The following ACTR3 variants were observed in gnomAD, a reference collection of about 807,000 sequenced individuals.
ACTR3 encodes the protein actin related protein 3, also known as actin-related protein 3.
In ACTR3, 12 loss-of-function variants were observed where a neutral mutation model predicts 56.8. That is an observed-to-expected ratio of 0.21 (90% CI 0.14 to 0.34). ACTR3 has a LOEUF of 0.34. ACTR3 is among the 10% of genes least tolerant of loss of function. The probability of loss-of-function intolerance (pLI) is 1.00; values close to 1 mark genes in which losing one functional copy is unlikely to be tolerated. For synonymous variants in ACTR3, 162 were observed against 167.4 expected (o/e 0.97, Z 0.25); for missense variants, 282 against 512.5 (o/e 0.55, Z 4.34).
intron 1 of ACTR3, among the ~76,000 whole-genome samples, chr2:113,892,178 G>A (rs1678916742): frequency 1.3e-5 from 2 of 152,172 alleles, no homozygotes; most frequent in Admixed American, 6.5e-5. Context: ...TATACAAGAT[G>A]TTTCATTGAG....
chr2:113,946,304 T>G (rs937774548), intron 8 of ACTR3, among the ~76,000 whole-genome samples: 1 of 151,994 alleles, frequency 6.6e-6, no homozygotes, highest in Non-Finnish European at 1.5e-5. Context: ...TTTTTTTTTC[T>G]TTTTAAATTG....
At chr2:113,949,650 T>A (rs1345166101) in intron 8 of ACTR3, among the ~76,000 whole-genome samples, 1 of 152,000 alleles carries the variant, frequency 6.6e-6, no homozygotes, top group African/African-American at 2.4e-5. Flanking sequence ...TAACCTCGAA[T>A]TCCTAGGGTC....
chr2:113,900,370 T>C (rs1043936764), intron 1 of ACTR3, among the ~76,000 whole-genome samples: 1 of 152,218 alleles, frequency 6.6e-6, no homozygotes, highest in Non-Finnish European at 1.5e-5. Flanking sequence ...TTCATGTAAA[T>C]GGAATCATAC....
chr2:113,931,191 T>A lies in ACTR3; in HGVS notation c.337-110T>A, dbSNP rs1679717748. ...TCTGTCTTTCTACTTGTAAATTTAATGCATTTTAAATAAAATGTTTGAAAT... is the reference window on the plus strand; with the variant it reads ...TCTGTCTTTCTACTTGTAAATTTAAAGCATTTTAAATAAAATGTTTGAAAT... On this transcript the variant is annotated intron_variant, in intron 4 of 11. Coordinates refer to ENST00000263238, the MANE Select transcript of ACTR3 (RefSeq NM_005721.5). The A allele has an allele frequency of 8.2e-6, 5 of 607,284 alleles. No homozygotes were observed. The Admixed American group carries it at 1.5e-4, about 18-fold the overall frequency. The allele number at this position is 607,284 out of a possible 1,614,324, so 37.6% of individuals were successfully genotyped here.
intron 3 of ACTR3, among the ~76,000 whole-genome samples, chr2:113,919,703 T>G (rs1679472310): frequency 6.6e-6 from 1 of 152,168 alleles, no homozygotes; most frequent in Admixed American, 6.5e-5. Flanking sequence ...TTATCCCTTA[T>G]CTGCTGAAAT....
At chr2:113,895,167 G>A (rs2104578490) in intron 1 of ACTR3, among the ~76,000 whole-genome samples, 1 of 146,400 alleles carries the variant, frequency 6.8e-6, no homozygotes, top group African/African-American at 2.5e-5. Context: ...GTGTTTCTCA[G>A]GAAATAATAA....
In ACTR3 at chr2:113,955,674, G is replaced by A. The variant is rs1417504501; in HGVS notation, c.1129G>A (p.Val377Ile). 1 of 1,613,494 alleles carries A rather than the reference G, an allele frequency of 6.2e-7. No individual in the cohort carries two copies. The highest frequency in any genetic ancestry group is 1.7e-5 in the Admixed American group (1 of 60,002). The stretch of plus-strand genomic sequence containing the variant: ...TACACACCACATGCAGCGATATGCA[G>A]TTTGGTTTGGAGGATCAATGCTGGC... ...VITHHMQRYA[V>I]WFGGSMLAST... The change falls in exon 11 of 12, where the codon GTT becomes ATT. Residue 377 changes from valine (V) to isoleucine (I), a missense_variant. By Grantham distance (29) the Val-to-Ile change is conservative. Transcript: ENST00000263238.
At chr2:113,929,153 G>GT (rs936352151) in intron 4 of ACTR3, among the ~76,000 whole-genome samples, 44 of 148,378 alleles carry the variant, frequency 3.0e-4, no homozygotes, top group Non-Finnish European at 4.2e-4. Flanking sequence ...TTTTGTTTTT[G>GT]TTTTTTTAAG....
chr2:113,929,932 G>C (rs1416975369), intron 4 of ACTR3, among the ~76,000 whole-genome samples: 5 of 152,098 alleles, frequency 3.3e-5, no homozygotes, highest in Admixed American at 3.3e-4. Flanking sequence ...GCCCACCTCG[G>C]CCTCCCAAAG....
At position 113,890,109 on chromosome 2, in the gene ACTR3, C is replaced by A; in HGVS notation, c.-171C>A. ...CCTGGGTTGCGGAAGTGATAGCCGC[C>A]GACCGAGCCTGCTGCTTTCTTGCTA... is the stretch of plus-strand genomic sequence containing the variant. On this transcript the variant is annotated 5_prime_UTR_variant, in exon 1 of 12. Transcript: ENST00000263238. 1 of 767,170 alleles carries A rather than the reference C, an allele frequency of 1.3e-6. No homozygotes were observed. Among genetic ancestry groups the A allele is most frequent in the South Asian group, 1.6e-5 (1 of 60,742 alleles). The allele number at this position is 767,170 out of a possible 1,614,324, so 47.5% of individuals were successfully genotyped here. A position where few individuals can be genotyped will look rare whatever the true frequency, so the allele number is the denominator to read the frequency against.
At chr2:113,911,223 C>G (rs937526835) in intron 1 of ACTR3, among the ~76,000 whole-genome samples, 3 of 151,468 alleles carry the variant, frequency 2.0e-5, no homozygotes, top group Non-Finnish European at 2.9e-5. Flanking sequence ...GTCAGGGCAG[C>G]TGGGAGAGGT....
intron 5 of ACTR3, among the ~76,000 whole-genome samples, chr2:113,933,646 A>G (rs1362486722): frequency 6.8e-6 from 1 of 148,108 alleles, no homozygotes; most frequent in Non-Finnish European, 1.5e-5. Context: ...ACGTGGACAT[A>G]GTTTAAGTTC....
intron 8 of ACTR3, among the ~76,000 whole-genome samples, chr2:113,943,670 A>C (rs1230651763): frequency 6.6e-6 from 1 of 152,170 alleles, no homozygotes; most frequent in Non-Finnish European, 1.5e-5. Context: ...CTTAGATATG[A>C]GGGGAGTAAG....
chr2:113,944,178 C>T (rs777374644), intron 8 of ACTR3, among the ~76,000 whole-genome samples: 7 of 152,022 alleles, frequency 4.6e-5, no homozygotes, highest in Admixed American at 3.3e-4. Flanking sequence ...TGGAGTGATA[C>T]GTTAGAGCAG....
intron 8 of ACTR3, among the ~76,000 whole-genome samples, chr2:113,944,035 A>G (rs1317325965): frequency 1.3e-5 from 2 of 152,184 alleles, no homozygotes; most frequent in Admixed American, 6.5e-5. Flanking sequence ...TAAAATTGAG[A>G]GAAGTGAATG....
At chr2:113,910,170 G>C (rs891898001) in intron 1 of ACTR3, among the ~76,000 whole-genome samples, 2 of 152,096 alleles carry the variant, frequency 1.3e-5, no homozygotes, top group African/African-American at 4.8e-5. Context: ...CAACCACTGG[G>C]GCTGAAGGTT....
intron 1 of ACTR3, among the ~76,000 whole-genome samples, chr2:113,902,661 G>A (rs773321791): frequency 5.3e-5 from 8 of 151,802 alleles, no homozygotes; most frequent in Non-Finnish European, 1.0e-4. Flanking sequence ...GTGCAGTGAC[G>A]TGATCTTGGC....
At chr2:113,941,096 A>G (rs1679916822) in intron 7 of ACTR3, among the ~76,000 whole-genome samples, 1 of 152,110 alleles carries the variant, frequency 6.6e-6, no homozygotes, top group South Asian at 2.1e-4. Flanking sequence ...GTGAGTCACC[A>G]TGCCTGGGCC....
chr2:113,961,692 A>C lies in ACTR3; in HGVS notation c.*4237A>C, dbSNP rs924294711. The stretch of plus-strand genomic sequence containing the variant: ...GTACTGTGCATAAAGATGAATAAAT[A>C]TTCTGTCCTTGGCTTAGTCTAATAG... On this transcript the variant is annotated 3_prime_UTR_variant, in exon 12 of 12. Coordinates refer to ENST00000263238, the MANE Select transcript of ACTR3 (RefSeq NM_005721.5). The C allele has an allele frequency of 6.6e-6, 1 of 151,976 alleles. No individual in the cohort carries two copies. The highest frequency in any genetic ancestry group is 2.4e-5 in the African/African-American group (1 of 41,432). The allele number at this position is 151,976 out of a possible 1,614,324, so 9.4% of individuals were successfully genotyped here. A position where few individuals can be genotyped will look rare whatever the true frequency, so the allele number is the denominator to read the frequency against.
Sources: allele counts gnomAD v4.1 joint callset (sites outside exome capture counted in the v4.1 genomes callset), GRCh38; gene constraint gnomAD v4.1.1; transcripts MANE v1.5; gene names NCBI Gene and HGNC (gene_info 2026-07-23, HGNC 2026-07-21).